The following WWOX variants were observed in gnomAD, a reference collection of about 807,000 sequenced individuals.
The protein encoded by WWOX is WW domain containing oxidoreductase, also known as WW domain-containing oxidoreductase.
A neutral mutation model predicts 46.2 loss-of-function variants in WWOX; 69 were observed. The ratio of observed to expected loss-of-function variants is 1.49; its 90% CI spans 1.23 to 1.82. The LOEUF is 1.82. Ranked by LOEUF, WWOX falls within the 40% of genes most tolerant of loss-of-function variation. The probability of loss-of-function intolerance (pLI) is 0.00; values close to 1 mark genes in which losing one functional copy is unlikely to be tolerated. For synonymous variants in WWOX, 359 were observed against 202.6 expected (o/e 1.77, Z -6.56); for missense variants, 919 against 542.6 (o/e 1.69, Z -6.89).
chr16:78,657,971 A>G (rs1597403788), intron 8 of WWOX, among the ~76,000 whole-genome samples: 2 of 152,116 alleles, frequency 1.3e-5, no homozygotes, highest in Non-Finnish European at 2.9e-5. Flanking sequence ...TCAGAGGCCA[A>G]GTGACTTTGA....
At chr16:78,422,492 A>C (rs1386964356) in intron 6 of WWOX, among the ~76,000 whole-genome samples, 1 of 149,858 alleles carries the variant, frequency 6.7e-6, no homozygotes, top group Non-Finnish European at 1.5e-5. Context: ...CTACAGCCAC[A>C]CACCACCACA....
intron 8 of WWOX, among the ~76,000 whole-genome samples, chr16:79,210,261 C>G (rs1480436518): frequency 1.3e-5 from 2 of 152,204 alleles, no homozygotes; most frequent in African/African-American, 4.8e-5. Context: ...ACAACAAACC[C>G]AAGTCTGCCT....
chr16:78,961,725 C>G (rs1003032321), intron 8 of WWOX, among the ~76,000 whole-genome samples: 1 of 152,134 alleles, frequency 6.6e-6, no homozygotes, highest in African/African-American at 2.4e-5. Flanking sequence ...TCCTGATTTT[C>G]TGGTTCAGTA....
intron 8 of WWOX, among the ~76,000 whole-genome samples, chr16:78,862,190 C>G (rs973676165): frequency 6.6e-6 from 1 of 151,560 alleles, no homozygotes; most frequent in East Asian, 2.0e-4. Context: ...ATGGGTGTGT[C>G]TGTCTGTATC....
intron 1 of WWOX, among the ~76,000 whole-genome samples, chr16:78,101,416 G>A (rs1413801451): frequency 7.0e-6 from 1 of 142,046 alleles, no homozygotes; most frequent in Non-Finnish European, 1.5e-5. Context: ...GTGCGATCTC[G>A]GTTCACTGCA....
chr16:78,627,769 A>C (rs887288544), intron 8 of WWOX, among the ~76,000 whole-genome samples: 5 of 152,234 alleles, frequency 3.3e-5, no homozygotes, highest in Admixed American at 1.3e-4. Flanking sequence ...AAAGTTGACT[A>C]GACAAAAGGT....
intron 8 of WWOX, among the ~76,000 whole-genome samples, chr16:79,085,091 A>G (rs891202318): frequency 6.6e-6 from 1 of 152,192 alleles, no homozygotes; most frequent in Non-Finnish European, 1.5e-5. Context: ...ACACTCAATT[A>G]TACACTTAAA....
At chr16:78,367,067 C>T (rs536034177) in intron 5 of WWOX, among the ~76,000 whole-genome samples, 2 of 149,388 alleles carry the variant, frequency 1.3e-5, no homozygotes, top group East Asian at 2.0e-4. Flanking sequence ...GCAAGCTCTG[C>T]CTCCCAGGTT....
At chr16:78,837,671 A>T (rs938909641) in intron 8 of WWOX, among the ~76,000 whole-genome samples, 1 of 152,214 alleles carries the variant, frequency 6.6e-6, no homozygotes, top group African/African-American at 2.4e-5. Context: ...TCTTATACCA[A>T]GAAAGAGGGG....
At chr16:78,164,323 G>T (rs776846470) in intron 5 of WWOX, 34 bp downstream of exon 5, 21 of 1,586,428 alleles carry the variant, frequency 1.3e-5, no homozygotes, top group Non-Finnish European at 1.4e-5. Flanking sequence ...TTTTTTAATT[G>T]TCAAATACAC....
intron 5 of WWOX, among the ~76,000 whole-genome samples, chr16:78,337,059 G>A (rs2080908278): frequency 6.6e-6 from 1 of 152,128 alleles, no homozygotes; most frequent in East Asian, 1.9e-4. Context: ...GGGATTACAG[G>A]TGTCAGCTAG....
chr16:79,021,337 C>G (rs563001743), intron 8 of WWOX, among the ~76,000 whole-genome samples: 2 of 152,240 alleles, frequency 1.3e-5, no homozygotes, highest in South Asian at 2.1e-4. Context: ...TCAAGAAACT[C>G]GCTTTCTTTG....
chr16:78,291,870 G>C (rs2079864645), intron 5 of WWOX, among the ~76,000 whole-genome samples: 1 of 152,114 alleles, frequency 6.6e-6, no homozygotes, highest in African/African-American at 2.4e-5. Context: ...GCCGCCAGCT[G>C]AGGGAGGGAA....
intron 8 of WWOX, among the ~76,000 whole-genome samples, chr16:79,005,979 G>A (rs947424305): frequency 6.6e-6 from 1 of 152,164 alleles, no homozygotes; most frequent in African/African-American, 2.4e-5. Context: ...GGGACAGGCG[G>A]CAGGTGTTTA....
chr16:79,069,355 T>G (rs2048505358), intron 8 of WWOX, among the ~76,000 whole-genome samples: 1 of 152,210 alleles, frequency 6.6e-6, no homozygotes, highest in African/African-American at 2.4e-5. Flanking sequence ...AAGAGCCCAG[T>G]GATTGGGAAC....
chr16:78,930,495 T>A (rs954406548), intron 8 of WWOX, among the ~76,000 whole-genome samples: 5 of 148,974 alleles, frequency 3.4e-5, no homozygotes, highest in African/African-American at 1.2e-4. Context: ...TTCACCATGT[T>A]GCCCAGGCTG....
intron 8 of WWOX, among the ~76,000 whole-genome samples, chr16:78,459,154 A>G (rs1473979871): frequency 2.6e-5 from 4 of 152,226 alleles, no homozygotes; most frequent in African/African-American, 9.6e-5. Flanking sequence ...AGGTGGCCAC[A>G]GTTTCCCATA....
chr16:78,331,774 G>T (rs2080763814), intron 5 of WWOX, among the ~76,000 whole-genome samples: 1 of 152,182 alleles, frequency 6.6e-6, no homozygotes, highest in South Asian at 2.1e-4. Context: ...ATTTTACGAA[G>T]TGCCAGTTGT....
intron 5 of WWOX, among the ~76,000 whole-genome samples, chr16:78,301,523 C>T (rs2080041183): frequency 6.6e-6 from 1 of 152,074 alleles, no homozygotes; most frequent in Non-Finnish European, 1.5e-5. Flanking sequence ...AGCTGGTTTC[C>T]TTTGGTGAAA....
Sources: gnomAD v4.1 joint callset for allele counts (sites outside exome capture counted in the v4.1 genomes callset) on GRCh38, gnomAD v4.1.1 for gene constraint, MANE v1.5 for transcripts, NCBI Gene and HGNC (gene_info 2026-07-23, HGNC 2026-07-21) for gene names.